The following MMP11 variants were observed in gnomAD, a reference collection of about 807,000 sequenced individuals.
The protein encoded by MMP11 is matrix metallopeptidase 11.
In MMP11, 26 loss-of-function variants were observed where a neutral mutation model predicts 49.5. The observed-to-expected ratio is 0.52, with a 90% CI of 0.38 to 0.73. The LOEUF is 0.73. Among genes scored for constraint, MMP11 ranks in the 30% least tolerant of loss-of-function variants. The pLI, the probability that MMP11 is intolerant of heterozygous loss-of-function variation, is 0.00. For synonymous variants in MMP11, 265 were observed against 282.3 expected (o/e 0.94, Z 0.62); for missense variants, 624 against 671.2 (o/e 0.93, Z 0.78).
In MMP11 at chr22:23,779,175, C is replaced by T. The variant is rs1371089641; in HGVS notation, c.109-12C>T. On this transcript the variant is annotated splice_polypyrimidine_tract_variant and intron_variant, in intron 1 of 7. Transcript: ENST00000215743. ...AGGCCTGACCAGACCCTCATGTCAT[C>T]CTCCTGCCTAGGACGCCCACCACCT... The T allele has an allele frequency of 1.9e-6, 3 of 1,568,056 alleles. No homozygotes were observed. Among genetic ancestry groups the T allele is most frequent in the East Asian group, 4.6e-5 (2 of 43,112 alleles).
At chr22:23,781,521 G>A (rs1757010651) in intron 6 of MMP11, 112 bp downstream of exon 6, 2 of 1,048,686 alleles carry the variant, frequency 1.9e-6, no homozygotes, top group Non-Finnish European at 2.8e-6. Context: ...AGGGAGAGCT[G>A]CCCCAAAGCC....
intron 1 of MMP11, among the ~76,000 whole-genome samples, chr22:23,778,655 T>A (rs1927499255): frequency 6.6e-6 from 1 of 152,136 alleles, no homozygotes; most frequent in South Asian, 2.1e-4. Context: ...ACTGCAGGGC[T>A]ACAGCCGCTC....
chr22:23,772,952 C>A lies in MMP11; in HGVS notation c.82C>A (p.Pro28Thr). Residue 28 changes from proline (P) to threonine (T), a missense_variant, in exon 1 of 8, where the codon CCG becomes ACG. Transcript: ENST00000215743. ...GCTGCTGCTGCTGCTCCAGCCGCCG[C>A]CGCTGCTGGCCCGGGCTCTGCCGCC... The part of the protein sequence containing the change: ...PMLLLLLQPP[P>T]LLARALPPDA... 8.2e-7 allele frequency: 1 copy of A among 1,214,734 alleles called. No homozygotes were observed. The allele number at this position is 1,214,734 out of a possible 1,614,324, so 75.2% of individuals were successfully genotyped here. A position where few individuals can be genotyped will look rare whatever the true frequency, so the allele number is the denominator to read the frequency against.
intron 6 of MMP11, 30 bp downstream of exon 6, chr22:23,781,439 G>GCATA (rs1927631908): frequency 6.5e-7 from 1 of 1,547,824 alleles, no homozygotes; most frequent in Non-Finnish European, 8.8e-7. Context: ...CTGCTCGAGA[G>GCATA]ACTTCCCAGA....
In MMP11 at chr22:23,780,512, C is replaced by A. The variant is rs772882567; in HGVS notation, c.482+10C>A. The A allele has an allele frequency of 6.2e-7, 1 of 1,613,606 alleles. No individual in the cohort carries two copies. The highest frequency in any genetic ancestry group is 8.5e-7 in the Non-Finnish European group (1 of 1,179,976). ...TGATCGACTTCGCCAGGTGAATGGG[C>A]GGCCTGGGACCCCTCCGGGAACAGC... On this transcript the variant is annotated intron_variant, in intron 3 of 7. Coordinates refer to ENST00000215743, the MANE Select transcript of MMP11 (RefSeq NM_005940.5). This position sits in a 1 kb window ranked among gnomAD's most constrained non-coding sequence, Gnocchi z 4.6.
intron 6 of MMP11, 163 bp downstream of exon 6, chr22:23,781,572 A>G (rs951421830): frequency 1.4e-6 from 1 of 704,782 alleles, no homozygotes; most frequent in Non-Finnish European, 2.4e-6. Context: ...TTCCTCAGGC[A>G]CAGGTAGGAG....
rs767691945 is a variant in MMP11 at position 23,780,659 on chromosome 22, G to A, written c.560G>A (p.Arg187Gln). The change falls in exon 4 of 8, where the codon CGA (arginine) becomes CAA (glutamine). Residue 187 changes from arginine to glutamine, a missense_variant. By Grantham distance (43) the Arg-to-Gln change is conservative. Transcript: ENST00000215743. The surrounding 1 kb of genome is among the most constrained non-coding windows in gnomAD (Gnocchi z 4.6). ...LAHAFFPKTH[R>Q]EGDVHFDYDE... is the part of the protein sequence containing the mutation. ...CATGCCTTCTTCCCCAAGACTCACCGAGAAGGGGATGTCCACTTCGACTAT... is the reference window on the plus strand; with the variant it reads ...CATGCCTTCTTCCCCAAGACTCACCAAGAAGGGGATGTCCACTTCGACTAT... The A allele has an allele frequency of 1.6e-5, 25 of 1,582,174 alleles. No homozygotes were observed. The highest frequency in any genetic ancestry group is 1.3e-4 in the South Asian group (11 of 86,732).
Position 23,782,232 on chromosome 22 carries a change from A to T in MMP11, c.1082A>T (p.Gln361Leu), listed in dbSNP as rs1192165642. Residue 361 changes from glutamine to leucine, a missense_variant, in exon 7 of 8, where the codon CAG becomes CTG. Coordinates refer to ENST00000215743, the MANE Select transcript of MMP11 (RefSeq NM_005940.5). The part of the protein sequence containing the change: ...QGHIWFFQGA[Q>L]YWVYDGEKPV... ...AGCCTTCCCTCTCCGGCAGGTGCTCAGTACTGGGTGTACGACGGTGAAAAG... is the reference window on the plus strand; with the variant it reads ...AGCCTTCCCTCTCCGGCAGGTGCTCTGTACTGGGTGTACGACGGTGAAAAG... 6.2e-7 allele frequency: 1 copy of T among 1,611,682 alleles called. No homozygotes were observed. The highest frequency in any genetic ancestry group is 1.1e-5 in the South Asian group (1 of 91,016).
At chr22:23,777,150 CGGTGGCTCACGCCT>C (rs1927440110) in intron 1 of MMP11, among the ~76,000 whole-genome samples, 1 of 131,186 alleles carries the variant, frequency 7.6e-6, no homozygotes, top group African/African-American at 3.1e-5. Context: ...AGGCCGGGCG[CGGTGGCTCACGCCT>C]GTAATCCCAG....
chr22:23,775,136 TG>T (rs1315501298), intron 1 of MMP11, among the ~76,000 whole-genome samples: 1 of 152,142 alleles, frequency 6.6e-6, no homozygotes, highest in Non-Finnish European at 1.5e-5. Context: ...AGCCAAGAGC[TG>T]GGGAGACAGG....
chr22:23,779,089 C>A, intron 1 of MMP11, 98 bp from the exon 2 acceptor site: 2 of 964,826 alleles, frequency 2.1e-6, no homozygotes, highest in Non-Finnish European at 3.1e-6. Context: ...ACACAGTGGG[C>A]TGGGGTTGCA....
intron 7 of MMP11, chr22:23,782,688 G>C: frequency 1.5e-6 from 1 of 662,696 alleles, no homozygotes; most frequent in South Asian, 1.9e-5. Flanking sequence ...TCAGAGAAGT[G>C]CAAGGTCTTA....
chr22:23,777,304 A>G (rs569348220), intron 1 of MMP11, among the ~76,000 whole-genome samples: 1 of 151,024 alleles, frequency 6.6e-6, no homozygotes, highest in Admixed American at 6.6e-5. Context: ...GCGGTGGCGC[A>G]TGCTTGTAAT....
intron 7 of MMP11, chr22:23,782,755 A>G (rs531290092): frequency 1.1e-5 from 6 of 548,350 alleles, no homozygotes; most frequent in Middle Eastern, 4.8e-4. Flanking sequence ...CTGAGGGCCA[A>G]CAATGCTCTA....
Position 23,781,187 on chromosome 22 carries a change from C to G in MMP11, c.859-6C>G. ...CCTCAGCATGTGTCCCTCTCTCCCACCCCAGCCAGACGCCCCGCCAGATGC... is the reference window on the plus strand; with the variant it reads ...CCTCAGCATGTGTCCCTCTCTCCCAGCCCAGCCAGACGCCCCGCCAGATGC... On this transcript the variant is annotated splice_polypyrimidine_tract_variant and splice_region_variant and intron_variant, in intron 5 of 7. Coordinates refer to ENST00000215743, the MANE Select transcript of MMP11 (RefSeq NM_005940.5). The G allele has an allele frequency of 6.2e-7, 1 of 1,611,158 alleles. No homozygotes were observed. The highest frequency in any genetic ancestry group is 8.5e-7 in the Non-Finnish European group (1 of 1,179,938).
chr22:23,781,286 C>T lies in MMP11; in HGVS notation c.952C>T (p.Arg318Cys), dbSNP rs1569157278. 18 of 1,612,216 alleles carry T rather than the reference C, an allele frequency of 1.1e-5. No homozygotes were observed. Among genetic ancestry groups the T allele is most frequent in the Non-Finnish European group, 1.4e-5 (17 of 1,180,018 alleles). Residue 318 changes from arginine (R) to cysteine (C), a missense_variant, in exon 6 of 8, where the codon CGC becomes TGC. Transcript: ENST00000215743. ...LFFFKAGFVW[R>C]LRGGQLQPGY... ...TTTCTTCAAAGCGGGCTTTGTGTGGCGCCTCCGTGGGGGCCAGCTGCAGCC... is the reference window on the plus strand; with the variant it reads ...TTTCTTCAAAGCGGGCTTTGTGTGGTGCCTCCGTGGGGGCCAGCTGCAGCC...
intron 6 of MMP11, 188 bp from the exon 7 acceptor site, chr22:23,782,038 C>A: frequency 1.2e-6 from 1 of 825,524 alleles, no homozygotes; most frequent in South Asian, 1.6e-5. Context: ...CATTCACTGC[C>A]CCAGCTTATC....
intron 7 of MMP11, 75 bp from the exon 8 acceptor site, chr22:23,783,336 C>T: frequency 6.4e-7 from 1 of 1,571,876 alleles, no homozygotes; most frequent in Non-Finnish European, 8.7e-7. Context: ...TAGTGCCCAT[C>T]CCTGGGCACA....
intron 1 of MMP11, among the ~76,000 whole-genome samples, chr22:23,778,094 CAG>C (rs1446243609): frequency 3.3e-5 from 5 of 152,312 alleles, no homozygotes; most frequent in Admixed American, 3.3e-4. Flanking sequence ...CCAGACCAGA[CAG>C]GTGCTGAGTC....
Sources: gnomAD v4.1 joint callset for allele counts (sites outside exome capture counted in the v4.1 genomes callset) on GRCh38, gnomAD v4.1.1 for gene constraint, Gnocchi (gnomAD v3.1) non-coding constraint, MANE v1.5 for transcripts, NCBI Gene and HGNC (gene_info 2026-07-23, HGNC 2026-07-21) for gene names.